Variants in MDFIC2 observed in about 807,000 individuals in gnomAD.
MDFIC2 encodes the protein myoD family inhibitor domain-containing protein 2.
intron 2 of MDFIC2, among the ~76,000 whole-genome samples, chr3:70,207,914 G>A (rs903646875): frequency 3.9e-5 from 6 of 152,014 alleles, no homozygotes; most frequent in Admixed American, 6.6e-5. Flanking sequence ...ATGATTGGGA[G>A]TCTGCTCTGC....
At chr3:70,257,676 GGA>G (rs1202791034) in intron 2 of MDFIC2, among the ~76,000 whole-genome samples, 3 of 152,136 alleles carry the variant, frequency 2.0e-5, no homozygotes, top group Non-Finnish European at 4.4e-5. Flanking sequence ...CTAAATTAAT[GGA>G]GATACATACT....
Position 70,195,568 on chromosome 3 carries a change from A to C in MDFIC2, c.*1358T>G, listed in dbSNP as rs531097512. Among the ~76,000 whole-genome samples the C allele has an allele frequency of 6.6e-6, 1 of 152,342 alleles. No homozygotes were observed. Among genetic ancestry groups the C allele is most frequent in the Admixed American group, 6.5e-5 (1 of 15,304 alleles). ...GATTTTGCCTGAAATTACCTAAGTC[A>C]GGAAAAAACAGGTATTTTGGAGCTT... On this transcript the variant is annotated 3_prime_UTR_variant, in exon 4 of 4. Transcript: ENST00000567252.
At chr3:70,242,300 G>A (rs952355579) in intron 2 of MDFIC2, among the ~76,000 whole-genome samples, 1 of 152,118 alleles carries the variant, frequency 6.6e-6, no homozygotes. Flanking sequence ...GAAATGGTGG[G>A]AAAAACACAT....
chr3:70,220,861 G>C (rs1289076588), intron 2 of MDFIC2, among the ~76,000 whole-genome samples: 2 of 152,128 alleles, frequency 1.3e-5, no homozygotes, highest in African/African-American at 4.8e-5. Context: ...AGTTGTAAGT[G>C]TGTCTTTCCC....
chr3:70,223,520 C>A (rs777930040), intron 2 of MDFIC2, among the ~76,000 whole-genome samples: 1 of 152,100 alleles, frequency 6.6e-6, no homozygotes, highest in African/African-American at 2.4e-5. Flanking sequence ...AGGAAACTAG[C>A]GCAGTGCCTC....
At chr3:70,273,393 C>G (rs1206756149) in intron 2 of MDFIC2, among the ~76,000 whole-genome samples, 1 of 152,124 alleles carries the variant, frequency 6.6e-6, no homozygotes, top group Admixed American at 6.5e-5. Flanking sequence ...AAAGGGAAGT[C>G]TTAAAAGCTT....
intron 3 of MDFIC2, among the ~76,000 whole-genome samples, chr3:70,204,206 C>G (rs540427419): frequency 1.3e-5 from 2 of 152,290 alleles, no homozygotes; most frequent in South Asian, 2.1e-4. Flanking sequence ...AAATTAGCCA[C>G]AAACTACATG....
intron 3 of MDFIC2, among the ~76,000 whole-genome samples, chr3:70,202,672 G>A (rs1257107885): frequency 1.3e-5 from 2 of 152,084 alleles, no homozygotes; most frequent in Non-Finnish European, 2.9e-5. Context: ...GTGTTTTGCT[G>A]GGAGCAAAAA....
chr3:70,244,677 T>C (rs1160909784), intron 2 of MDFIC2, among the ~76,000 whole-genome samples: 2 of 152,076 alleles, frequency 1.3e-5, no homozygotes, highest in Non-Finnish European at 2.9e-5. Flanking sequence ...AGACTCAAAT[T>C]TGATGGTTAG....
At chr3:70,265,679 C>G (rs1701910792) in intron 2 of MDFIC2, among the ~76,000 whole-genome samples, 1 of 152,210 alleles carries the variant, frequency 6.6e-6, no homozygotes. Context: ...AGTCCATTCT[C>G]ACACTGCTGT....
intron 2 of MDFIC2, among the ~76,000 whole-genome samples, chr3:70,248,637 A>G (rs1416872642): frequency 6.6e-6 from 1 of 152,170 alleles, no homozygotes; most frequent in African/African-American, 2.4e-5. Flanking sequence ...AGGCTTTTAC[A>G]ATCAACAGTA....
intron 2 of MDFIC2, among the ~76,000 whole-genome samples, chr3:70,270,744 T>C (rs552706903): frequency 3.9e-5 from 6 of 152,246 alleles, no homozygotes; most frequent in Admixed American, 3.9e-4. Context: ...CAGGACACGG[T>C]TGAAGCTGGA....
Position 70,285,583 on chromosome 3 carries a change from T to C in MDFIC2, c.88+26303A>G, listed in dbSNP as rs796490990. Among the ~76,000 whole-genome samples, 4 of 152,032 alleles carry C rather than the reference T, an allele frequency of 2.6e-5. 1 individual carries two copies. In the South Asian group the frequency reaches 6.3e-4, roughly 24 times the overall value. On this transcript the variant is annotated intron_variant, in intron 2 of 3. Transcript: ENST00000567252. ...TTTGGGTATATACCCAGTAATGGGA[T>C]GGCTGTGTCAAATGGTATTTCTAGT...
intron 2 of MDFIC2, among the ~76,000 whole-genome samples, chr3:70,246,763 G>A (rs1177389653): frequency 6.6e-6 from 1 of 151,946 alleles, no homozygotes; most frequent in Admixed American, 6.6e-5. Context: ...TCTTTATAAA[G>A]TAGACTATCA....
intron 2 of MDFIC2, among the ~76,000 whole-genome samples, chr3:70,289,390 C>T (rs1397762843): frequency 6.7e-6 from 1 of 149,810 alleles, no homozygotes; most frequent in Non-Finnish European, 1.5e-5. Flanking sequence ...TATTGGCCCC[C>T]ACTCTCTTCT....
chr3:70,257,270 A>T lies in MDFIC2; in HGVS notation c.89-50480T>A, dbSNP rs1030129221. On this transcript the variant is annotated intron_variant, in intron 2 of 3. Coordinates refer to ENST00000567252, the MANE Select transcript of MDFIC2 (RefSeq NM_001364677.1). ...CCTGGCACATCTGGCCATTCAAAAAAGTTCAAGAATAGACTTCTTTGGTAA... is the reference window on the plus strand; with the variant it reads ...CCTGGCACATCTGGCCATTCAAAAATGTTCAAGAATAGACTTCTTTGGTAA... Among the ~76,000 whole-genome samples the T allele has an allele frequency of 4.6e-5, 7 of 152,304 alleles. No individual in the cohort carries two copies. The South Asian group carries it at 8.3e-4, about 18-fold the overall frequency.
chr3:70,221,493 C>G (rs79978474), intron 2 of MDFIC2, among the ~76,000 whole-genome samples: 1 of 152,164 alleles, frequency 6.6e-6, no homozygotes, highest in African/African-American at 2.4e-5. Context: ...TCTTAACCAC[C>G]GTGATATATG....
intron 2 of MDFIC2, among the ~76,000 whole-genome samples, chr3:70,265,896 G>A (rs961927783): frequency 6.6e-6 from 1 of 152,116 alleles, no homozygotes; most frequent in Non-Finnish European, 1.5e-5. Flanking sequence ...TCCCTGTCAC[G>A]AGAACGGCAT....
chr3:70,304,791 G>A (rs968252368), intron 2 of MDFIC2, among the ~76,000 whole-genome samples: 2 of 152,132 alleles, frequency 1.3e-5, no homozygotes, highest in African/African-American at 4.8e-5. Context: ...ATCTCCCGTG[G>A]CTTCTAATTC....
Sources: allele counts gnomAD v4.1 joint callset (sites outside exome capture counted in the v4.1 genomes callset), GRCh38; gene constraint gnomAD v4.1.1; transcripts MANE v1.5; gene names NCBI Gene and HGNC (gene_info 2026-07-23, HGNC 2026-07-21).